The following NPHP1 variants were observed in gnomAD, a reference collection of about 807,000 sequenced individuals.
NPHP1 encodes the protein nephrocystin 1, also known as nephrocystin-1.
A neutral mutation model predicts 90.4 loss-of-function variants in NPHP1; 70 were observed. That is an observed-to-expected ratio of 0.77 (90% CI 0.64 to 0.95). The LOEUF is 0.95. Among genes scored for constraint, NPHP1 ranks in the 40% least tolerant of loss-of-function variants. NPHP1 has a pLI of 0.00. For synonymous variants in NPHP1, 256 were observed against 271.7 expected, an observed-to-expected ratio of 0.94 and a Z score of 0.57; for missense variants, 764 against 795.9, an observed-to-expected ratio of 0.96 and a Z score of 0.48.
At chr2:110,173,769 C>G (rs1683326809) in intron 4 of NPHP1, among the ~76,000 whole-genome samples, 2 of 152,068 alleles carry the variant, frequency 1.3e-5, no homozygotes, top group Admixed American at 1.3e-4. Context: ...TGACTCATTT[C>G]TCAGAACATA....
intron 2 of NPHP1, among the ~76,000 whole-genome samples, chr2:110,191,311 C>T (rs1222856883): frequency 1.3e-5 from 2 of 152,170 alleles, no homozygotes; most frequent in African/African-American, 2.4e-5. Flanking sequence ...GGGTCACCCC[C>T]ACCCTAATAC....
chr2:110,125,268 T>C lies in NPHP1; in HGVS notation c.1761+369A>G, dbSNP rs374897134. 4 of 1,536,082 alleles carry C rather than the reference T, an allele frequency of 2.6e-6. No homozygotes were observed. The South Asian group carries it at 4.8e-5, about 18-fold the overall frequency. On this transcript the variant is annotated intron_variant, in intron 19 of 19. Transcript: ENST00000445609. ...GGAGCAATGCATTGTTTTCAATATA[T>C]GGTACAGCTCAGGCCATTTTTTTTT...
chr2:110,196,146 T>A (rs544811988), intron 2 of NPHP1, among the ~76,000 whole-genome samples: 1,538 of 151,808 alleles, frequency 0.01, 25 homozygotes, highest in African/African-American at 0.036. Context: ...AAGCCAAAAT[T>A]GACAAATGGG....
At chr2:110,140,056 C>CT (rs2104467213) in intron 16 of NPHP1, among the ~76,000 whole-genome samples, 2 of 152,150 alleles carry the variant, frequency 1.3e-5, no homozygotes, top group South Asian at 4.2e-4. Context: ...CCCAGCCCTG[C>CT]TGCAAGGCCC....
Position 110,161,602 on chromosome 2 carries a change from C to T in NPHP1, c.954+1G>A. 6.3e-7 allele frequency: 1 copy of T among 1,588,758 alleles called. No individual in the cohort carries two copies. Reference sequence around the variant, plus strand: ...CTTTTACTGATAGTAACTATACTTACAGTGCCTTCTGTAGCATCCCACATC... The same window carrying T: ...CTTTTACTGATAGTAACTATACTTATAGTGCCTTCTGTAGCATCCCACATC... On this transcript the variant is annotated splice_donor_variant, in intron 10 of 19. Coordinates refer to ENST00000445609, the MANE Select transcript of NPHP1 (RefSeq NM_001128178.3). LOFTEE classifies it high-confidence loss of function.
In NPHP1 at chr2:110,123,785, C is replaced by T. The variant is rs760536058; in HGVS notation, c.*6G>A. On this transcript the variant is annotated 3_prime_UTR_variant, in exon 20 of 20. Coordinates refer to ENST00000445609, the MANE Select transcript of NPHP1 (RefSeq NM_001128178.3). ...GTGGGAAGCTGAGGGCTAGAGGCTG[C>T]CACTGTCACACTGCATTCTTTCTCA... is the stretch of plus-strand genomic sequence containing the variant. 6.2e-7 allele frequency: 1 copy of T among 1,613,508 alleles called. No homozygotes were observed. Among genetic ancestry groups the T allele is most frequent in the South Asian group, 1.1e-5 (1 of 91,044 alleles).
intron 18 of NPHP1, 132 bp downstream of exon 18, chr2:110,129,054 C>T (rs750818055): frequency 8.5e-6 from 6 of 709,200 alleles, no homozygotes; most frequent in Non-Finnish European, 1.5e-5. Flanking sequence ...ACTGAGTTAC[C>T]TAGACAATGG....
At chr2:110,125,782 A>T in intron 18 of NPHP1, 101 bp from the exon 19 acceptor site, 1 of 960,790 alleles carries the variant, frequency 1.0e-6, no homozygotes, top group Non-Finnish European at 1.7e-6. Flanking sequence ...ACAGGGTTAA[A>T]AATGCTGTAC....
chr2:110,159,990 G>T, intron 11 of NPHP1, 137 bp downstream of exon 11: 1 of 805,458 alleles, frequency 1.2e-6, no homozygotes, highest in Non-Finnish European at 2.0e-6. Flanking sequence ...ATTTTTCAAA[G>T]AGTCATTCAA....
At chr2:110,128,040 A>C (rs1326611168) in intron 18 of NPHP1, 1 of 152,172 alleles carries the variant, frequency 6.6e-6, no homozygotes, top group Non-Finnish European at 1.5e-5. Context: ...CTAAAATTAC[A>C]GGAGATCATA....
intron 8 of NPHP1, chr2:110,163,440 T>A (rs747397105): frequency 1.1e-5 from 4 of 375,784 alleles, no homozygotes; most frequent in Non-Finnish European, 2.0e-5. Context: ...GCGCTTCCAT[T>A]TCACAGGTAA....
At chr2:110,164,492 A>AC in intron 8 of NPHP1, 196 bp downstream of exon 8, 1 of 1,177,940 alleles carries the variant, frequency 8.5e-7, no homozygotes, top group Non-Finnish European at 1.3e-6. Context: ...TTGTACAAAA[A>AC]AAAAAAAAAA....
At chr2:110,154,358 A>T (rs1448857199) in intron 11 of NPHP1, among the ~76,000 whole-genome samples, 1 of 152,168 alleles carries the variant, frequency 6.6e-6, no homozygotes, top group Non-Finnish European at 1.5e-5. Flanking sequence ...TATCAGCAGC[A>T]TGAGAATGAA....
At position 110,123,895 on chromosome 2, in the gene NPHP1, C is replaced by T; in HGVS notation, c.1930G>A (p.Gly644Ser). The T allele has an allele frequency of 6.2e-7, 1 of 1,614,052 alleles. No homozygotes were observed. Reference protein sequence around the residue: ...DFLKQNQENQGALQALLSPDG... With the variant: ...DFLKQNQENQSALQALLSPDG... ...GGTGACAGCAGAGCTTGGAGGGCGC[C>T]CTGGTTTTCTTGGTTTTGCTTAAGG... Residue 644 changes from glycine to serine, a missense_variant, in exon 20 of 20, where the codon GGC becomes AGC. Transcript: ENST00000445609.
intron 6 of NPHP1, among the ~76,000 whole-genome samples, 167 bp from the exon 7 acceptor site, chr2:110,165,322 G>A (rs1682656599): frequency 6.6e-6 from 1 of 152,026 alleles, no homozygotes; most frequent in Admixed American, 6.5e-5. Flanking sequence ...GAGCATAGAT[G>A]GGAATTTAGT....
intron 11 of NPHP1, among the ~76,000 whole-genome samples, chr2:110,156,651 T>C (rs180955763): frequency 2.0e-5 from 3 of 152,296 alleles, no homozygotes; most frequent in East Asian, 3.9e-4. Context: ...GCCCAGAGTT[T>C]ACAATTACCC....
At chr2:110,138,128 A>G (rs1680350070) in intron 16 of NPHP1, among the ~76,000 whole-genome samples, 1 of 151,974 alleles carries the variant, frequency 6.6e-6, no homozygotes, top group South Asian at 2.1e-4. Context: ...GAACAATGAG[A>G]ACACACGGAC....
At chr2:110,184,446 A>T in intron 2 of NPHP1, 1 of 699,372 alleles carries the variant, frequency 1.4e-6, no homozygotes, top group African/African-American at 1.8e-5. Flanking sequence ...TTTCTTCAAG[A>T]GCTTCAATGT....
chr2:110,165,910 C>T (rs921438906), intron 6 of NPHP1, among the ~76,000 whole-genome samples: 2 of 152,094 alleles, frequency 1.3e-5, no homozygotes, highest in Non-Finnish European at 2.9e-5. Context: ...AGCACTCACA[C>T]AAATACATAA....
Sources: allele counts gnomAD v4.1 joint callset (sites outside exome capture counted in the v4.1 genomes callset), GRCh38; gene constraint gnomAD v4.1.1; transcripts MANE v1.5; gene names NCBI Gene and HGNC (gene_info 2026-07-23, HGNC 2026-07-21).